The following PCDHGA9 variants were observed in gnomAD, a reference collection of about 807,000 sequenced individuals.
The protein encoded by PCDHGA9 is protocadherin gamma-A9.
PCDHGA9 carries 37 observed loss-of-function variants against 62.5 expected under a neutral mutation model. The ratio of observed to expected loss-of-function variants is 0.59; its 90% confidence interval spans 0.46 to 0.78. The LOEUF (loss-of-function observed/expected upper bound fraction) is 0.78. Among genes scored for constraint, PCDHGA9 ranks in the 30% least tolerant of loss-of-function variants. The pLI, the probability that PCDHGA9 is intolerant of heterozygous loss-of-function variation, is 0.00. For synonymous variants in PCDHGA9, 459 were observed against 484.6 expected, an observed-to-expected ratio of 0.95 and a Z score of 0.69; for missense variants, 1,138 against 1,166.2, an observed-to-expected ratio of 0.98 and a Z score of 0.35.
intron 1 of PCDHGA9, chr5:141,418,609 C>G: frequency 6.2e-7 from 1 of 1,614,026 alleles, no homozygotes. Flanking sequence ...ACAGGGTTAG[C>G]CTTCGGGAAG....
In PCDHGA9 at chr5:141,489,561, G is replaced by A. The variant is rs1750812409; in HGVS notation, c.2425-5246G>A. 6.2e-7 allele frequency: 1 copy of A among 1,614,106 alleles called. No homozygotes were observed. Among genetic ancestry groups the A allele is most frequent in the Non-Finnish European group, 8.5e-7 (1 of 1,180,026 alleles). On this transcript the variant is annotated intron_variant, in intron 1 of 3. Coordinates refer to ENST00000573521, the MANE Select transcript of PCDHGA9 (RefSeq NM_018921.3). The surrounding 1 kb of genome is among the most constrained non-coding windows in gnomAD (Gnocchi z 4.5). Reference sequence around the variant, plus strand: ...GCACCAGCTGCCTGCTGCCAGTGCAGGTGGTGACTGAACACCCCCTGGAGC... The same window carrying A: ...GCACCAGCTGCCTGCTGCCAGTGCAAGTGGTGACTGAACACCCCCTGGAGC...
At chr5:141,430,373 A>G (rs1456234962) in intron 1 of PCDHGA9, among the ~76,000 whole-genome samples, 1 of 151,170 alleles carries the variant, frequency 6.6e-6, no homozygotes, top group Non-Finnish European at 1.5e-5. Flanking sequence ...GGGAAAAAAA[A>G]GCTCATTGGG....
In PCDHGA9 at chr5:141,487,460, G is replaced by T; in HGVS notation, c.2425-7347G>T. ...AGGGTCAGATGACCCTATCAAGTTT[G>T]TTGATGTGGGAGGCCACTCTCATGG... On this transcript the variant is annotated intron_variant, in intron 1 of 3. Transcript: ENST00000573521. The surrounding 1 kb of genome is among the most constrained non-coding windows in gnomAD (Gnocchi z 5.0). 1 of 1,614,170 alleles carries T rather than the reference G, an allele frequency of 6.2e-7. No individual in the cohort carries two copies. Among genetic ancestry groups the T allele is most frequent in the Non-Finnish European group, 8.5e-7 (1 of 1,180,024 alleles).
chr5:141,495,300 C>T (rs1249195819), intron 2 of PCDHGA9, among the ~76,000 whole-genome samples: 1 of 152,204 alleles, frequency 6.6e-6, no homozygotes, highest in Non-Finnish European at 1.5e-5. Context: ...AGCGCCTCCT[C>T]CAGAGCCTCC....
chr5:141,432,415 G>A lies in PCDHGA9; in HGVS notation c.2424+27039G>A, dbSNP rs2097498934. The A allele has an allele frequency of 6.2e-7, 1 of 1,614,112 alleles. No homozygotes were observed. The highest frequency in any genetic ancestry group is 1.1e-5 in the South Asian group (1 of 91,092). On this transcript the variant is annotated intron_variant, in intron 1 of 3. Transcript: ENST00000573521. This position sits in a 1 kb window ranked among gnomAD's most constrained non-coding sequence, Gnocchi z 6.0. ...GCAACGTGTCGTTGAGCCTGTTCGT[G>A]CTGGACCAGAACGACAATGCGCCCG... is the stretch of plus-strand genomic sequence containing the variant.
chr5:141,419,792 G>A (rs1379811891), intron 1 of PCDHGA9: 1 of 1,614,042 alleles, frequency 6.2e-7, no homozygotes, highest in African/African-American at 1.3e-5. Flanking sequence ...CCTGCTAGTC[G>A]CTGTAAGAGA....
intron 1 of PCDHGA9, chr5:141,479,537 T>C (rs1299169562): frequency 6.6e-6 from 1 of 152,230 alleles, no homozygotes; most frequent in Non-Finnish European, 1.5e-5. Context: ...GTGGAGAAGG[T>C]CAAAACTGCT....
intron 2 of PCDHGA9, among the ~76,000 whole-genome samples, chr5:141,499,192 C>T (rs1048812227): frequency 1.1e-4 from 17 of 152,106 alleles, no homozygotes; most frequent in South Asian, 2.1e-4. Flanking sequence ...CCATTTCCCC[C>T]TTCTTAGGCT....
In PCDHGA9 at chr5:141,418,848, G is replaced by A. The variant is rs770294020; in HGVS notation, c.2424+13472G>A. 20 of 1,613,836 alleles carry A rather than the reference G, an allele frequency of 1.2e-5. No individual in the cohort carries two copies. Among genetic ancestry groups the A allele is most frequent in the South Asian group, 6.6e-5 (6 of 91,080 alleles). ...AAAGACCGAGGATCTCTCTCAACAC[G>A]GTGTAAAGTAATTGTAGAAGTTGTA... On this transcript the variant is annotated intron_variant, in intron 1 of 3. Coordinates refer to ENST00000573521, the MANE Select transcript of PCDHGA9 (RefSeq NM_018921.3).
At chr5:141,421,434 C>T (rs1247535353) in intron 1 of PCDHGA9, 1 of 1,613,980 alleles carries the variant, frequency 6.2e-7, no homozygotes, top group Non-Finnish European at 8.5e-7. Context: ...GCATCGTCTC[C>T]AGAGGGAAGA....
chr5:141,472,998 G>GAA (rs2099311030), intron 1 of PCDHGA9, among the ~76,000 whole-genome samples: 1 of 134,744 alleles, frequency 7.4e-6, no homozygotes, highest in Non-Finnish European at 1.6e-5. Flanking sequence ...AAAAAAAAAA[G>GAA]AAAGAAAAAG....
intron 1 of PCDHGA9, chr5:141,413,176 A>T: frequency 6.2e-7 from 1 of 1,601,892 alleles, no homozygotes; most frequent in Non-Finnish European, 8.5e-7. Context: ...CCAGACTACA[A>T]TGGCCGCTCA....
intron 1 of PCDHGA9, chr5:141,439,900 A>G (rs562278732): frequency 6.6e-5 from 10 of 152,362 alleles, no homozygotes; most frequent in African/African-American, 2.2e-4. Flanking sequence ...CAAGGCGACT[A>G]CTGCCTCCTT....
intron 2 of PCDHGA9, among the ~76,000 whole-genome samples, chr5:141,504,651 G>A (rs905210723): frequency 8.4e-6 from 1 of 119,750 alleles, no homozygotes; most frequent in Non-Finnish European, 1.6e-5. Flanking sequence ...ATGATAGAGT[G>A]TTTGAGGGCG....
intron 1 of PCDHGA9, chr5:141,413,618 A>G (rs1188549125): frequency 6.2e-7 from 1 of 1,613,916 alleles, no homozygotes; most frequent in Non-Finnish European, 8.5e-7. Context: ...AAAATTAATG[A>G]AAATGTCGCT....
Position 141,410,369 on chromosome 5 carries a change from A to T in PCDHGA9, c.2424+4993A>T, listed in dbSNP as rs754541017. Reference sequence around the variant, plus strand: ...CCTGCGACGCTCTCTCAGCCCTGCTACTTGGGACTGCTTCCATCCTGGTCT... The same window carrying T: ...CCTGCGACGCTCTCTCAGCCCTGCTTCTTGGGACTGCTTCCATCCTGGTCT... On this transcript the variant is annotated intron_variant, in intron 1 of 3. Coordinates refer to ENST00000573521, the MANE Select transcript of PCDHGA9 (RefSeq NM_018921.3). The T allele has an allele frequency of 5.6e-6, 9 of 1,613,836 alleles. No homozygotes were observed. The African/African-American group carries it at 1.2e-4, about 22-fold the overall frequency.
Position 141,510,999 on chromosome 5 carries a change from G to C in PCDHGA9, c.2625G>C (p.Leu875Phe). Residue 875 changes from leucine (L) to phenylalanine (F), a missense_variant, in exon 4 of 4, where the codon TTG (leucine) becomes TTC (phenylalanine). Coordinates refer to ENST00000573521, the MANE Select transcript of PCDHGA9 (RefSeq NM_018921.3). ...GAGGGGGTGCCGGCACCATGGGATT[G>C]AGCGCCCGCTACGGACCCCAGTTCA... ...TLGGGAGTMG[L>F]SARYGPQFTL... 6.2e-7 allele frequency: 1 copy of C among 1,614,144 alleles called. No homozygotes were observed. Among genetic ancestry groups the C allele is most frequent in the Non-Finnish European group, 8.5e-7 (1 of 1,180,008 alleles).
In PCDHGA9 at chr5:141,418,429, A is replaced by G. The variant is rs765952024; in HGVS notation, c.2424+13053A>G. ...AGAAAGACAATCCTGATGGTGGCAAATATCCAGAATTAGTATTGCAGAAGA... is the reference window on the plus strand; with the variant it reads ...AGAAAGACAATCCTGATGGTGGCAAGTATCCAGAATTAGTATTGCAGAAGA... On this transcript the variant is annotated intron_variant, in intron 1 of 3. Transcript: ENST00000573521. 8.7e-6 allele frequency: 14 copies of G among 1,613,972 alleles called. No homozygotes were observed. In the South Asian group the frequency reaches 1.5e-4, roughly 18 times the overall value.
chr5:141,422,472 G>A lies in PCDHGA9; in HGVS notation c.2424+17096G>A, dbSNP rs772474296. On this transcript the variant is annotated intron_variant, in intron 1 of 3. Transcript: ENST00000573521. ...CAAGCAGAGTGCTGGACAGGGAGTTGGTCCAGAGCTACAATATAACGTTGA... is the reference window on the plus strand; with the variant it reads ...CAAGCAGAGTGCTGGACAGGGAGTTAGTCCAGAGCTACAATATAACGTTGA... 75 of 1,613,562 alleles carry A rather than the reference G, an allele frequency of 4.6e-5. 3 individuals are homozygous for A. In the South Asian group the frequency reaches 8.1e-4, roughly 17 times the overall value.
Sources: gnomAD v4.1 joint callset for allele counts (sites outside exome capture counted in the v4.1 genomes callset) on GRCh38, gnomAD v4.1.1 for gene constraint, Gnocchi (gnomAD v3.1) non-coding constraint, MANE v1.5 for transcripts, NCBI Gene and HGNC (gene_info 2026-07-23, HGNC 2026-07-21) for gene names.